Variants in MDGA2 observed in about 807,000 individuals in gnomAD.
The protein encoded by MDGA2 is MAM domain containing glycosylphosphatidylinositol anchor 2, also known as MAM domain-containing glycosylphosphatidylinositol anchor protein 2.
In MDGA2, 40 loss-of-function variants were observed where a neutral mutation model predicts 117.8. That is an observed-to-expected ratio of 0.34 (90% confidence interval 0.26 to 0.44). The LOEUF is 0.44. MDGA2 is among the 20% of genes least tolerant of loss of function. The pLI is 1.00. For synonymous variants in MDGA2, 452 were observed against 439.0 expected, an observed-to-expected ratio of 1.03 and a Z score of -0.37; for missense variants, 1,123 against 1,250.6, an observed-to-expected ratio of 0.90 and a Z score of 1.54.
intron 10 of MDGA2, among the ~76,000 whole-genome samples, chr14:46,889,473 C>T (rs751416077): frequency 3.3e-5 from 5 of 151,956 alleles, no homozygotes; most frequent in African/African-American, 4.8e-5. Context: ...TTGAAAGCAT[C>T]CTGGTGTGGT....
At chr14:47,580,955 A>C (rs1031971783) in intron 1 of MDGA2, among the ~76,000 whole-genome samples, 5 of 152,056 alleles carry the variant, frequency 3.3e-5, no homozygotes, top group African/African-American at 9.7e-5. Flanking sequence ...GAAAAGAAAA[A>C]TGATTGCTAA....
At chr14:47,275,840 G>T (rs1888295365) in intron 2 of MDGA2, among the ~76,000 whole-genome samples, 1 of 152,108 alleles carries the variant, frequency 6.6e-6, no homozygotes, top group Non-Finnish European at 1.5e-5. Flanking sequence ...CATGAGAGCA[G>T]CCTGCGTAAT....
At chr14:47,234,727 G>C (rs975340238) in intron 2 of MDGA2, among the ~76,000 whole-genome samples, 2 of 152,068 alleles carry the variant, frequency 1.3e-5, no homozygotes, top group Non-Finnish European at 2.9e-5. Flanking sequence ...TTAGGTAACA[G>C]TCTCACAGCA....
intron 6 of MDGA2, among the ~76,000 whole-genome samples, chr14:47,063,270 A>G (rs1223335348): frequency 6.6e-6 from 1 of 152,064 alleles, no homozygotes; most frequent in Non-Finnish European, 1.5e-5. Flanking sequence ...CTTAAATCAC[A>G]TTCTCATACT....
chr14:47,295,370 A>G lies in MDGA2; in HGVS notation c.420+6041T>C, dbSNP rs184999053. Among the ~76,000 whole-genome samples the G allele has an allele frequency of 1.5e-3, 224 of 152,330 alleles. 1 individual carries two copies. Among genetic ancestry groups the G allele is most frequent in the Middle Eastern group, 3.4e-3 (1 of 294 alleles). On this transcript the variant is annotated intron_variant, in intron 2 of 16. Transcript: ENST00000399232. ...TATTGCTATCTGAGAAGTCTGAAAT[A>G]TTAAGAGTTCAAATGTTCAGTATTC...
intron 3 of MDGA2, among the ~76,000 whole-genome samples, chr14:47,205,362 A>G (rs573147051): frequency 7.2e-5 from 11 of 151,994 alleles, no homozygotes; most frequent in Middle Eastern, 3.2e-3. Context: ...CAAAGAGTCT[A>G]TAATTTATTA....
At chr14:47,575,550 A>C (rs980504444) in intron 1 of MDGA2, among the ~76,000 whole-genome samples, 1 of 152,212 alleles carries the variant, frequency 6.6e-6, no homozygotes, top group African/African-American at 2.4e-5. Flanking sequence ...CAAGTTTTAA[A>C]GTATTTCCAG....
At chr14:47,048,668 C>T (rs536115062) in intron 7 of MDGA2, among the ~76,000 whole-genome samples, 14 of 152,178 alleles carry the variant, frequency 9.2e-5, no homozygotes, top group African/African-American at 3.1e-4. Context: ...CTGGCTCTCT[C>T]ATCTTTTGTC....
intron 1 of MDGA2, among the ~76,000 whole-genome samples, chr14:47,511,845 C>A (rs1894647928): frequency 6.6e-6 from 1 of 152,004 alleles, no homozygotes; most frequent in African/African-American, 2.4e-5. Context: ...AAAGGAAGAG[C>A]AGGAAGACAG....
chr14:47,210,929 G>A (rs1052642891), intron 3 of MDGA2, among the ~76,000 whole-genome samples: 1 of 152,140 alleles, frequency 6.6e-6, no homozygotes, highest in African/African-American at 2.4e-5. Context: ...GTTACAGTGA[G>A]CTATGATTGT....
Position 47,549,182 on chromosome 14 carries a change from A to G in MDGA2, c.280+125335T>C, listed in dbSNP as rs185955346. Reference sequence around the variant, plus strand: ...TCAGGAAGCTGCTGGTTGGTAAGGGAGAGTGGGATGAACATAGAGAAAGCA... The same window carrying G: ...TCAGGAAGCTGCTGGTTGGTAAGGGGGAGTGGGATGAACATAGAGAAAGCA... On this transcript the variant is annotated intron_variant, in intron 1 of 16. Coordinates refer to ENST00000399232, the MANE Select transcript of MDGA2 (RefSeq NM_001113498.3). 4.6e-5 allele frequency among the ~76,000 whole-genome samples: 7 copies of G among 152,208 alleles called. 1 individual carries two copies. The highest frequency in any genetic ancestry group is 1.7e-4 in the African/African-American group (7 of 41,544).
In MDGA2 at chr14:46,841,137, A is replaced by G. The variant is rs184049058; in HGVS notation, c.*794T>C. The G allele has an allele frequency of 6.7e-4, 103 of 152,680 alleles. No homozygotes were observed. The highest frequency in any genetic ancestry group is 1.3e-3 in the Non-Finnish European group (89 of 68,022). 9.5% of individuals were successfully genotyped at this position (152,680 alleles called of 1,614,324 possible). A position where few individuals can be genotyped will look rare whatever the true frequency, so the allele number is the denominator to read the frequency against. On this transcript the variant is annotated 3_prime_UTR_variant, in exon 17 of 17. Transcript: ENST00000399232. ...CACTTGGTTTCCATGGCAATTTATA[A>G]AAGATGGTGGTTTGGTTTCTTCATT...
intron 1 of MDGA2, among the ~76,000 whole-genome samples, chr14:47,381,312 GC>G (rs1416910475): frequency 6.6e-6 from 1 of 152,182 alleles, no homozygotes; most frequent in Non-Finnish European, 1.5e-5. Flanking sequence ...AGACAGGGAT[GC>G]CCTCTCTCAC....
intron 1 of MDGA2, among the ~76,000 whole-genome samples, chr14:47,370,536 T>G (rs945763111): frequency 7.0e-6 from 1 of 143,022 alleles, no homozygotes; most frequent in African/African-American, 2.6e-5. Context: ...TTTAAGATTT[T>G]TATGTTTGGG....
chr14:47,326,263 T>C (rs1037726738), intron 1 of MDGA2, among the ~76,000 whole-genome samples: 2 of 152,090 alleles, frequency 1.3e-5, no homozygotes, highest in African/African-American at 2.4e-5. Flanking sequence ...AAAATATATA[T>C]TATATTATGC....
chr14:47,578,198 CGTAA>C lies in MDGA2; in HGVS notation c.280+96315_280+96318del, dbSNP rs1399122669. Among the ~76,000 whole-genome samples, 5 of 151,834 alleles carry C rather than the reference CGTAA, an allele frequency of 3.3e-5. No individual in the cohort carries two copies. The East Asian group carries it at 7.8e-4, about 24-fold the overall frequency. On this transcript the variant is annotated intron_variant, in intron 1 of 16. Transcript: ENST00000399232. ...AAACCAAACACTACATGTTCTCACT[CGTAA>C]GTGAGACAGATGGACACAGAGAGGG...
intron 1 of MDGA2, among the ~76,000 whole-genome samples, chr14:47,365,662 G>A (rs145023612): frequency 7.2e-4 from 110 of 152,286 alleles, no homozygotes; most frequent in African/African-American, 2.6e-3. Context: ...ATAGTAAATG[G>A]TAACTAATTC....
chr14:47,069,129 A>T (rs1890187089), intron 6 of MDGA2, among the ~76,000 whole-genome samples: 2 of 152,220 alleles, frequency 1.3e-5, no homozygotes, highest in Admixed American at 6.5e-5. Flanking sequence ...GCTTGATAAA[A>T]TGGTGAAATA....
At chr14:47,091,633 A>T (rs1879660533) in intron 6 of MDGA2, among the ~76,000 whole-genome samples, 1 of 152,078 alleles carries the variant, frequency 6.6e-6, no homozygotes, top group Non-Finnish European at 1.5e-5. Flanking sequence ...CATGGGAGGA[A>T]TCTGATCAGG....
Sources: allele counts gnomAD v4.1 joint callset (sites outside exome capture counted in the v4.1 genomes callset), GRCh38; gene constraint gnomAD v4.1.1; transcripts MANE v1.5; gene names NCBI Gene and HGNC (gene_info 2026-07-23, HGNC 2026-07-21).